The following USP34 variants were observed in gnomAD, a reference collection of about 807,000 sequenced individuals.
USP34 encodes ubiquitin carboxyl-terminal hydrolase 34.
In USP34, 70 loss-of-function variants were observed where a neutral mutation model predicts 460.3. That is an observed-to-expected ratio of 0.15 (90% CI 0.13 to 0.19). USP34 has a LOEUF of 0.19. USP34 is among the 10% of genes least tolerant of loss of function. The pLI is 1.00. For synonymous variants in USP34, 1,647 were observed against 1,405.3 expected (o/e 1.17, Z -3.85); for missense variants, 3,985 against 4,236.2 (o/e 0.94, Z 1.65).
chr2:61,271,141 A>G (rs1225739489), intron 41 of USP34, among the ~76,000 whole-genome samples: 2 of 152,018 alleles, frequency 1.3e-5, no homozygotes, highest in East Asian at 3.9e-4. Context: ...CAAAACAACA[A>G]CAACAAAAAT....
chr2:61,330,010 A>G (rs903360472), intron 20 of USP34, among the ~76,000 whole-genome samples: 3 of 152,208 alleles, frequency 2.0e-5, no homozygotes, highest in Admixed American at 2.0e-4. Context: ...GGTGGTTATA[A>G]GGACAAAAGT....
intron 48 of USP34, among the ~76,000 whole-genome samples, chr2:61,251,369 A>G (rs1688577440): frequency 6.6e-6 from 1 of 152,234 alleles, no homozygotes. Context: ...GTTCAAAATA[A>G]ATATTGTGGC....
intron 29 of USP34, among the ~76,000 whole-genome samples, chr2:61,298,828 C>A (rs919030056): frequency 2.4e-4 from 36 of 151,970 alleles, no homozygotes; most frequent in Admixed American, 2.1e-3. Context: ...TTACAGTCTA[C>A]CTTTCTGTCC....
At chr2:61,371,267 C>A (rs566128208) in intron 8 of USP34, among the ~76,000 whole-genome samples, 1 of 152,150 alleles carries the variant, frequency 6.6e-6, no homozygotes, top group African/African-American at 2.4e-5. Context: ...ATCTACTGCA[C>A]TGCCAGTCAT....
intron 27 of USP34, among the ~76,000 whole-genome samples, chr2:61,308,901 G>T (rs1690498195): frequency 6.6e-6 from 1 of 152,016 alleles, no homozygotes; most frequent in African/African-American, 2.4e-5. Flanking sequence ...AATTACCCAG[G>T]GATGGTGGCA....
At chr2:61,351,590 T>TA (rs555573202) in intron 10 of USP34, among the ~76,000 whole-genome samples, 3 of 152,108 alleles carry the variant, frequency 2.0e-5, no homozygotes, top group African/African-American at 7.2e-5. Flanking sequence ...TTTTAATACA[T>TA]AAAAAAATCT....
At chr2:61,391,526 G>A (rs1348021287) in intron 5 of USP34, among the ~76,000 whole-genome samples, 3 of 152,046 alleles carry the variant, frequency 2.0e-5, no homozygotes, top group Non-Finnish European at 4.4e-5. Flanking sequence ...CTTTACAAAC[G>A]GCTGCCCTAA....
intron 14 of USP34, 133 bp downstream of exon 14, chr2:61,348,623 A>T (rs552899087): frequency 1.3e-4 from 186 of 1,438,620 alleles, no homozygotes; most frequent in Admixed American, 2.4e-4. Context: ...TTAAAAACTC[A>T]AAGGATGTCA....
At chr2:61,217,594 C>CTTTTA (rs1228474260) in intron 67 of USP34, among the ~76,000 whole-genome samples, 1 of 152,164 alleles carries the variant, frequency 6.6e-6, no homozygotes, top group Non-Finnish European at 1.5e-5. Context: ...TTTTTCACTA[C>CTTTTA]TAAAAATCAT....
chr2:61,295,362 C>G, intron 30 of USP34, 72 bp from the exon 31 acceptor site: 1 of 1,475,260 alleles, frequency 6.8e-7, no homozygotes, highest in Non-Finnish European at 9.0e-7. Flanking sequence ...TTTAAACAAA[C>G]TGACACTACA....
In USP34 at chr2:61,188,433, T is replaced by A; in HGVS notation, c.10310A>T (p.Glu3437Val). ...MSNIRSQHAEEQSNNGRYDDC... is the reference protein window; with the variant it reads ...MSNIRSQHAEVQSNNGRYDDC... ...GTCATATCTACCATTGTTGGACTGTTCTTCTGCATGCTGTGACCTGATATT... is the reference window on the plus strand; with the variant it reads ...GTCATATCTACCATTGTTGGACTGTACTTCTGCATGCTGTGACCTGATATT... The change falls in exon 80 of 80, where the codon GAA (glutamate) becomes GTA (valine). Residue 3437 changes from glutamate to valine, a missense_variant. By Grantham distance (121) the Glu-to-Val change is moderately radical. Around this residue, in one of 14 missense-constraint regions of USP34, gnomAD observed 506 missense variants for 439.0 expected, o/e 1.15. Transcript: ENST00000398571. 1 of 1,612,832 alleles carries A rather than the reference T, an allele frequency of 6.2e-7. No individual in the cohort carries two copies. Among genetic ancestry groups the A allele is most frequent in the Non-Finnish European group, 8.5e-7 (1 of 1,178,744 alleles).
At chr2:61,389,447 A>C (rs566542289) in intron 5 of USP34, among the ~76,000 whole-genome samples, 2 of 152,366 alleles carry the variant, frequency 1.3e-5, no homozygotes, top group African/African-American at 4.8e-5. Flanking sequence ...ACAAGTGATT[A>C]AAAATTTCAA....
chr2:61,469,140 G>C (rs1397864497), intron 1 of USP34, among the ~76,000 whole-genome samples: 1 of 152,154 alleles, frequency 6.6e-6, no homozygotes, highest in Non-Finnish European at 1.5e-5. Context: ...CTGGGAGGCA[G>C]AGTTTGCAGT....
At chr2:61,241,437 A>G (rs901808059) in intron 53 of USP34, 123 bp downstream of exon 53, 38 of 609,708 alleles carry the variant, frequency 6.2e-5, no homozygotes, top group Non-Finnish European at 9.6e-5. Context: ...ATTTGTAAAT[A>G]CTCTTAAGAT....
intron 53 of USP34, among the ~76,000 whole-genome samples, chr2:61,238,025 A>G (rs1688122216): frequency 6.6e-6 from 1 of 151,492 alleles, no homozygotes; most frequent in Non-Finnish European, 1.5e-5. Context: ...CCTCCCAAGT[A>G]GCTGGGATTA....
At chr2:61,278,692 T>C (rs946971248) in intron 39 of USP34, among the ~76,000 whole-genome samples, 1 of 152,140 alleles carries the variant, frequency 6.6e-6, no homozygotes, top group Admixed American at 6.5e-5. Context: ...TCAATGACGA[T>C]TTAATGGGTA....
intron 27 of USP34, among the ~76,000 whole-genome samples, chr2:61,303,872 G>C (rs1558519601): frequency 6.6e-6 from 1 of 151,308 alleles, no homozygotes; most frequent in South Asian, 2.1e-4. Flanking sequence ...TGGGATTACA[G>C]TGTGAGCCAT....
intron 27 of USP34, among the ~76,000 whole-genome samples, chr2:61,307,961 A>G (rs1004013825): frequency 2.6e-5 from 4 of 152,180 alleles, no homozygotes; most frequent in Non-Finnish European, 5.9e-5. Context: ...AGGTGGCAGG[A>G]TCACCTGAGA....
intron 1 of USP34, among the ~76,000 whole-genome samples, chr2:61,463,693 G>T (rs1327310966): frequency 4.6e-5 from 7 of 151,956 alleles, no homozygotes; most frequent in Admixed American, 3.9e-4. Context: ...AATTAGCCAG[G>T]CATGGTGGTG....
Sources: gnomAD v4.1 joint callset for allele counts (sites outside exome capture counted in the v4.1 genomes callset) on GRCh38, gnomAD v4.1.1 for gene constraint, gnomAD v4.1.1 regional missense constraint, MANE v1.5 for transcripts, NCBI Gene and HGNC (gene_info 2026-07-23, HGNC 2026-07-21) for gene names.